Variants in GRIN2B observed in about 807,000 individuals in gnomAD.
GRIN2B encodes glutamate receptor ionotropic, NMDA 2B.
In GRIN2B, 5 loss-of-function variants were observed where a neutral mutation model predicts 114.5. The ratio of observed to expected loss-of-function variants is 0.04; its 90% CI spans 0.02 to 0.09. The LOEUF is 0.09. Ranked by LOEUF, GRIN2B falls within the 10% of genes least tolerant of loss-of-function variation. The probability of loss-of-function intolerance (pLI) is 1.00; values close to 1 mark genes in which losing one functional copy is unlikely to be tolerated. For synonymous variants in GRIN2B, 787 were observed against 745.1 expected (o/e 1.06, Z -0.92); for missense variants, 1,108 against 1,943.5 (o/e 0.57, Z 8.08).
intron 3 of GRIN2B, among the ~76,000 whole-genome samples, chr12:13,818,421 C>T (rs1864870342): frequency 6.6e-6 from 1 of 152,202 alleles, no homozygotes; most frequent in South Asian, 2.1e-4. Flanking sequence ...TTATTTCATA[C>T]CACTGCAAGC....
At chr12:13,745,317 G>A (rs1863360585) in intron 4 of GRIN2B, among the ~76,000 whole-genome samples, 1 of 152,112 alleles carries the variant, frequency 6.6e-6, no homozygotes, top group Admixed American at 6.5e-5. Flanking sequence ...GAGAGCAGAT[G>A]GAGAAACGAC....
intron 2 of GRIN2B, among the ~76,000 whole-genome samples, chr12:13,892,784 G>T (rs10845858): frequency 6.6e-6 from 1 of 152,138 alleles, no homozygotes; most frequent in African/African-American, 2.4e-5. Flanking sequence ...AAATCACATC[G>T]TTCCCTTGAG....
At chr12:13,622,781 T>C (rs1169966627) in intron 5 of GRIN2B, among the ~76,000 whole-genome samples, 2 of 152,124 alleles carry the variant, frequency 1.3e-5, no homozygotes, top group African/African-American at 4.8e-5. Context: ...TTATAACAAA[T>C]TCACTCTCTC....
chr12:13,759,063 A>G (rs1174452247), intron 3 of GRIN2B, among the ~76,000 whole-genome samples: 2 of 125,718 alleles, frequency 1.6e-5, no homozygotes, highest in Non-Finnish European at 3.1e-5. Flanking sequence ...GCTGGAGGGC[A>G]GTGGCATGAT....
intron 12 of GRIN2B, among the ~76,000 whole-genome samples, chr12:13,568,323 G>C (rs767311303): frequency 6.6e-6 from 1 of 152,108 alleles, no homozygotes; most frequent in Non-Finnish European, 1.5e-5. Context: ...GGAGAAAATT[G>C]CCTATTCCCA....
At position 13,703,070 on chromosome 12, in the gene GRIN2B, T is replaced by G. The variant is rs553121857; in HGVS notation, c.1011-27211A>C. ...ATTTGTGCAAAGGTGCCATGTGGGTTAAACTGTTTTGTGAATCACCACTAC... is the reference window on the plus strand; with the variant it reads ...ATTTGTGCAAAGGTGCCATGTGGGTGAAACTGTTTTGTGAATCACCACTAC... On this transcript the variant is annotated intron_variant, in intron 4 of 13. Coordinates refer to ENST00000609686, the MANE Select transcript of GRIN2B (RefSeq NM_000834.5). 3.9e-5 allele frequency among the ~76,000 whole-genome samples: 6 copies of G among 152,340 alleles called. No homozygotes were observed. In the South Asian group the frequency reaches 1.2e-3, roughly 32 times the overall value.
chr12:13,879,424 A>C (rs1470033647), intron 2 of GRIN2B, among the ~76,000 whole-genome samples: 1 of 152,204 alleles, frequency 6.6e-6, no homozygotes, highest in African/African-American at 2.4e-5. Flanking sequence ...TGACCGTATA[A>C]CAACACAAGA....
intron 10 of GRIN2B, among the ~76,000 whole-genome samples, chr12:13,607,385 A>ATATATAT (rs1949289590): frequency 2.9e-5 from 2 of 69,114 alleles, no homozygotes; most frequent in African/African-American, 1.3e-4. Context: ...TATATATATA[A>ATATATAT]TATATATTAT....
At chr12:13,959,973 C>T (rs564628359) in intron 2 of GRIN2B, among the ~76,000 whole-genome samples, 2 of 152,146 alleles carry the variant, frequency 1.3e-5, no homozygotes, top group Admixed American at 6.5e-5. Context: ...AGAATGGACG[C>T]TTGATTGAGG....
chr12:13,721,363 A>AT lies in GRIN2B; in HGVS notation c.1010+31953dup, dbSNP rs1555126575. Among the ~76,000 whole-genome samples the AT allele has an allele frequency of 7.2e-5, 11 of 151,850 alleles. 1 individual carries two copies. Among genetic ancestry groups the AT allele is most frequent in the African/African-American group, 1.2e-4 (5 of 41,388 alleles). ...TCATCTGATTTCCTTAAAAAAAAAA[A>AT]TTATTCTGGTTGTTGTGTGGGGAGG... On this transcript the variant is annotated intron_variant, in intron 4 of 13. Coordinates refer to ENST00000609686, the MANE Select transcript of GRIN2B (RefSeq NM_000834.5).
At chr12:13,928,474 T>C (rs1289117332) in intron 2 of GRIN2B, among the ~76,000 whole-genome samples, 1 of 152,178 alleles carries the variant, frequency 6.6e-6, no homozygotes, top group Admixed American at 6.5e-5. Flanking sequence ...TAAAAAGTTC[T>C]GTGATGAAAT....
intron 5 of GRIN2B, among the ~76,000 whole-genome samples, chr12:13,617,313 T>C (rs1283249299): frequency 1.3e-5 from 2 of 152,216 alleles, no homozygotes; most frequent in Non-Finnish European, 2.9e-5. Flanking sequence ...GTGCACCTCC[T>C]GGGCTGGGTG....
At chr12:13,760,289 A>T (rs2136636096) in intron 3 of GRIN2B, among the ~76,000 whole-genome samples, 2 of 152,340 alleles carry the variant, frequency 1.3e-5, no homozygotes, top group East Asian at 3.9e-4. Context: ...CAATTATGGA[A>T]TTGAGGTCTG....
chr12:13,779,811 G>A (rs955146823), intron 3 of GRIN2B, among the ~76,000 whole-genome samples: 1 of 152,140 alleles, frequency 6.6e-6, no homozygotes, highest in Non-Finnish European at 1.5e-5. Flanking sequence ...GCTCAAGCTC[G>A]GGTAAATAAC....
intron 3 of GRIN2B, among the ~76,000 whole-genome samples, chr12:13,836,225 C>T (rs2136709116): frequency 6.6e-6 from 1 of 152,346 alleles, no homozygotes; most frequent in African/African-American, 2.4e-5. Context: ...CATACTCAGG[C>T]CTTTCCCAGG....
rs1454031171 is a variant in GRIN2B at position 13,549,665 on chromosome 12, A to T, written c.*13118T>A. The T allele has an allele frequency of 6.6e-6, 1 of 152,088 alleles. No individual in the cohort carries two copies. The highest frequency in any genetic ancestry group is 1.5e-5 in the Non-Finnish European group (1 of 68,002). The allele number at this position is 152,088 out of a possible 1,614,324, so 9.4% of individuals were successfully genotyped here. A position where few individuals can be genotyped will look rare whatever the true frequency, so the allele number is the denominator to read the frequency against. On this transcript the variant is annotated 3_prime_UTR_variant, in exon 14 of 14. Transcript: ENST00000609686. ...GTCCCAGTTTATTCTTGAGTTTTTTATTTATGTGGATTACATGCTACCTAA... is the reference window on the plus strand; with the variant it reads ...GTCCCAGTTTATTCTTGAGTTTTTTTTTTATGTGGATTACATGCTACCTAA...
chr12:13,587,588 C>T (rs1948946734), intron 10 of GRIN2B, among the ~76,000 whole-genome samples: 2 of 152,128 alleles, frequency 1.3e-5, no homozygotes, highest in Non-Finnish European at 2.9e-5. Context: ...CTCCTGGGCT[C>T]AAGTGATCTT....
chr12:13,665,449 CT>C (rs1344910541), intron 5 of GRIN2B, among the ~76,000 whole-genome samples: 3 of 152,052 alleles, frequency 2.0e-5, no homozygotes, highest in Non-Finnish European at 4.4e-5. Flanking sequence ...GTGACTTGTC[CT>C]CTTGTCTATG....
At chr12:13,883,173 G>A (rs1866096061) in intron 2 of GRIN2B, among the ~76,000 whole-genome samples, 1 of 152,058 alleles carries the variant, frequency 6.6e-6, no homozygotes, top group African/African-American at 2.4e-5. Context: ...GACATTAAGG[G>A]GTGTTACCAC....
Sources: gnomAD v4.1 joint callset for allele counts (sites outside exome capture counted in the v4.1 genomes callset) on GRCh38, gnomAD v4.1.1 for gene constraint, MANE v1.5 for transcripts, NCBI Gene and HGNC (gene_info 2026-07-23, HGNC 2026-07-21) for gene names.